Variants in GABRB1 observed in about 807,000 individuals in gnomAD.
The protein encoded by GABRB1 is gamma-aminobutyric acid type A receptor subunit beta1, also known as gamma-aminobutyric acid receptor subunit beta-1.
A neutral mutation model predicts 51.6 loss-of-function variants in GABRB1; 17 were observed. That is an observed-to-expected ratio of 0.33 (90% confidence interval 0.23 to 0.49). The LOEUF (loss-of-function observed/expected upper bound fraction) is 0.49. GABRB1 is among the 20% of genes least tolerant of loss of function. GABRB1 has a pLI of 0.99. For missense variants in GABRB1, 410 were observed against 600.6 expected, an observed-to-expected ratio of 0.68 and a Z score of 3.32; for synonymous variants, 247 against 218.9, an observed-to-expected ratio of 1.13 and a Z score of -1.14.
intron 5 of GABRB1, among the ~76,000 whole-genome samples, chr4:47,403,026 A>T (rs1305019904): frequency 6.6e-6 from 1 of 152,214 alleles, no homozygotes; most frequent in African/African-American, 2.4e-5. Context: ...CCCCAATTTA[A>T]TCAAGGAATG....
chr4:47,189,855 T>C (rs1292116710), intron 4 of GABRB1, among the ~76,000 whole-genome samples: 1 of 152,002 alleles, frequency 6.6e-6, no homozygotes, highest in African/African-American at 2.4e-5. Context: ...TTATGTTTTT[T>C]TGTTTGTGTT....
rs78079592 is a variant in GABRB1, at chr4:47,084,882, A to G, written c.240+52398A>G. On this transcript the variant is annotated intron_variant, in intron 3 of 8. Transcript: ENST00000295454. ...CACTGGGTTTACATCAGCAAAACCA[A>G]TTTCTTGGTTCTCTCTTTACCAGCA... Among the ~76,000 whole-genome samples the G allele has an allele frequency of 7.0e-3, 1,068 of 152,186 alleles. 12 individuals are homozygous for G. Among genetic ancestry groups the G allele is most frequent in the African/African-American group, 0.024 (1,011 of 41,504 alleles).
chr4:47,371,327 C>T (rs1299827639), intron 5 of GABRB1, among the ~76,000 whole-genome samples: 1 of 152,154 alleles, frequency 6.6e-6, no homozygotes, highest in Non-Finnish European at 1.5e-5. Context: ...TTTCTTTACC[C>T]AGTCTATCAC....
At chr4:47,008,811 A>G (rs1483110451) in intron 1 of GABRB1, among the ~76,000 whole-genome samples, 1 of 135,496 alleles carries the variant, frequency 7.4e-6, no homozygotes, top group Non-Finnish European at 1.5e-5. Flanking sequence ...AAATACCAGC[A>G]GTATTAACTG....
chr4:47,387,409 T>C (rs1727837297), intron 5 of GABRB1, among the ~76,000 whole-genome samples: 1 of 152,048 alleles, frequency 6.6e-6, no homozygotes, highest in Admixed American at 6.5e-5. Flanking sequence ...GAGGTAGAGG[T>C]TGCAATAAGC....
intron 3 of GABRB1, among the ~76,000 whole-genome samples, chr4:47,131,100 C>T (rs1365695233): frequency 6.6e-6 from 1 of 152,074 alleles, no homozygotes; most frequent in Admixed American, 6.6e-5. Flanking sequence ...TCCTACCCAG[C>T]CCTGGAAGAA....
chr4:47,408,375 G>A (rs762680271), intron 8 of GABRB1, among the ~76,000 whole-genome samples: 2 of 152,208 alleles, frequency 1.3e-5, no homozygotes, highest in African/African-American at 4.8e-5. Context: ...AGTGTGAAAT[G>A]TGGCTGGATA....
chr4:47,290,739 C>A (rs553009774), intron 4 of GABRB1, among the ~76,000 whole-genome samples: 1 of 152,232 alleles, frequency 6.6e-6, no homozygotes, highest in East Asian at 1.9e-4. Context: ...ATACTGGCGG[C>A]ATTTTGCCCC....
chr4:47,379,639 T>C (rs1426037515), intron 5 of GABRB1, among the ~76,000 whole-genome samples: 2 of 152,224 alleles, frequency 1.3e-5, no homozygotes, highest in African/African-American at 4.8e-5. Context: ...AAACATGCTG[T>C]ACTGTAGTAT....
At chr4:47,347,157 C>A (rs571019947) in intron 5 of GABRB1, among the ~76,000 whole-genome samples, 1 of 152,150 alleles carries the variant, frequency 6.6e-6, no homozygotes, top group South Asian at 2.1e-4. Context: ...TGGAGCTCGA[C>A]TGTAATCCCA....
At chr4:47,170,397 A>G (rs1183436746) in intron 4 of GABRB1, among the ~76,000 whole-genome samples, 2 of 150,994 alleles carry the variant, frequency 1.3e-5, no homozygotes, top group Admixed American at 6.6e-5. Context: ...ACACACACAC[A>G]CACACGCACA....
At chr4:47,368,619 A>G (rs1727076124) in intron 5 of GABRB1, among the ~76,000 whole-genome samples, 1 of 152,116 alleles carries the variant, frequency 6.6e-6, no homozygotes, top group African/African-American at 2.4e-5. Context: ...GCCAGGCCCA[A>G]GCTCCCAGCA....
chr4:47,095,749 A>G (rs1473564239), intron 3 of GABRB1, among the ~76,000 whole-genome samples: 1 of 152,252 alleles, frequency 6.6e-6, no homozygotes, highest in African/African-American at 2.4e-5. Context: ...AATGGAAGTG[A>G]CTATTATCTT....
chr4:47,255,984 C>A (rs1448084151), intron 4 of GABRB1, among the ~76,000 whole-genome samples: 1 of 152,156 alleles, frequency 6.6e-6, no homozygotes, highest in Admixed American at 6.5e-5. Context: ...TAAAAGTCTT[C>A]TTCAAGAAGA....
intron 5 of GABRB1, among the ~76,000 whole-genome samples, chr4:47,379,643 G>A (rs1427346734): frequency 6.6e-6 from 1 of 152,172 alleles, no homozygotes; most frequent in Non-Finnish European, 1.5e-5. Context: ...ATGCTGTACT[G>A]TAGTATGTTT....
intron 4 of GABRB1, among the ~76,000 whole-genome samples, chr4:47,285,075 G>C (rs1446181343): frequency 1.3e-5 from 2 of 152,166 alleles, no homozygotes; most frequent in Non-Finnish European, 2.9e-5. Context: ...TTGCAGAGAA[G>C]ATTTCAGCCT....
intron 3 of GABRB1, among the ~76,000 whole-genome samples, chr4:47,106,072 A>G (rs1714956497): frequency 6.6e-6 from 1 of 152,070 alleles, no homozygotes; most frequent in Non-Finnish European, 1.5e-5. Flanking sequence ...AATTCAAGAA[A>G]AGCTGTAATT....
chr4:47,361,495 C>A (rs62297819), intron 5 of GABRB1, among the ~76,000 whole-genome samples: 40,181 of 151,944 alleles, frequency 0.26, 6,541 homozygotes, highest in Non-Finnish European at 0.38. Flanking sequence ...AAATGAGAAA[C>A]CACTGAAGGA....
chr4:47,308,473 TTTTG>T (rs1392984608), intron 4 of GABRB1, among the ~76,000 whole-genome samples: 3 of 152,036 alleles, frequency 2.0e-5, no homozygotes, highest in African/African-American at 7.2e-5. Context: ...TTGGTTTTGG[TTTTG>T]TTTGTTTTTT....
Sources: gnomAD v4.1 joint callset for allele counts (sites outside exome capture counted in the v4.1 genomes callset) on GRCh38, gnomAD v4.1.1 for gene constraint, MANE v1.5 for transcripts, NCBI Gene and HGNC (gene_info 2026-07-23, HGNC 2026-07-21) for gene names.